PTPRT: variants seen among roughly 807,000 people sequenced by gnomAD.
PTPRT encodes protein tyrosine phosphatase receptor type T.
In PTPRT, 56 loss-of-function variants were observed where a neutral mutation model predicts 176.8. That is an observed-to-expected ratio of 0.32 (90% CI 0.26 to 0.40). The LOEUF (loss-of-function observed/expected upper bound fraction) is 0.40, where lower values mean the gene tolerates loss of function less well. Ranked by LOEUF, PTPRT falls within the 10% of genes least tolerant of loss-of-function variation. The pLI is 1.00. For synonymous variants in PTPRT, 783 were observed against 739.0 expected (o/e 1.06, Z -0.96); for missense variants, 1,540 against 1,908.2 (o/e 0.81, Z 3.60).
At chr20:42,049,735 ATC>A in the PTPRT span, among the ~76,000 whole-genome samples, 1 of 152,298 alleles carries the variant, frequency 6.6e-6, no homozygotes, top group South Asian at 2.1e-4. Context: ...AAGCACCCCC[ATC>A]TCATTGAGTT....
intron 7 of PTPRT, among the ~76,000 whole-genome samples, chr20:42,622,536 G>A (rs183312675): frequency 1.6e-4 from 25 of 152,132 alleles, no homozygotes; most frequent in South Asian, 4.2e-4. Flanking sequence ...CACCGTGCCC[G>A]GCCAGACTTA....
At position 42,672,107 on chromosome 20, in the gene PTPRT, T is replaced by C. The variant is rs1398609826; in HGVS notation, c.1153+5759A>G. 2.0e-5 allele frequency among the ~76,000 whole-genome samples: 3 copies of C among 152,238 alleles called. No individual in the cohort carries two copies. The East Asian group carries it at 5.8e-4, about 29-fold the overall frequency. The stretch of plus-strand genomic sequence containing the variant: ...AATAATGAGTGTCAACTTGATTGGA[T>C]TGAAGGATGCAAAGCATTGTTCCTG... On this transcript the variant is annotated intron_variant, in intron 7 of 30. Coordinates refer to ENST00000373187, the MANE Select transcript of PTPRT (RefSeq NM_007050.6).
At chr20:42,378,135 C>T (rs917100963) in intron 9 of PTPRT, among the ~76,000 whole-genome samples, 5 of 152,192 alleles carry the variant, frequency 3.3e-5, no homozygotes, top group African/African-American at 9.7e-5. Context: ...TTGAAAACAG[C>T]ACAGCAACCC....
chr20:42,536,996 C>G (rs185595270), intron 7 of PTPRT, among the ~76,000 whole-genome samples: 1 of 152,022 alleles, frequency 6.6e-6, no homozygotes, highest in East Asian at 1.9e-4. Flanking sequence ...TGATATATCT[C>G]TTGTGTGAAA....
chr20:42,609,060 A>G (rs918100517), intron 7 of PTPRT, among the ~76,000 whole-genome samples: 1 of 152,006 alleles, frequency 6.6e-6, no homozygotes, highest in African/African-American at 2.4e-5. Context: ...ATAATACAGA[A>G]CACTCCAACA....
chr20:42,473,856 T>C (rs1004327650), intron 7 of PTPRT, among the ~76,000 whole-genome samples: 1 of 152,124 alleles, frequency 6.6e-6, no homozygotes, highest in Non-Finnish European at 1.5e-5. Flanking sequence ...CAGACTTTCT[T>C]ATCTGGGAGG....
At chr20:43,008,100 T>C (rs1368411596) in intron 1 of PTPRT, among the ~76,000 whole-genome samples, 5 of 152,208 alleles carry the variant, frequency 3.3e-5, no homozygotes, top group Non-Finnish European at 5.9e-5. Flanking sequence ...CCATACAGTC[T>C]TCAATGGACT....
At chr20:42,375,376 T>C (rs1343172674) in intron 9 of PTPRT, among the ~76,000 whole-genome samples, 5 of 152,142 alleles carry the variant, frequency 3.3e-5, no homozygotes, top group African/African-American at 1.2e-4. Flanking sequence ...CCCATTGTGG[T>C]GGCTCTAGGA....
At position 42,102,218 on chromosome 20, in the gene PTPRT, C is replaced by T. The variant is rs200227405; in HGVS notation, c.3620G>A (p.Arg1207Gln). The T allele has an allele frequency of 1.6e-5, 26 of 1,614,038 alleles. No individual in the cohort carries two copies. The highest frequency in any genetic ancestry group is 2.1e-5 in the Non-Finnish European group (25 of 1,180,024). Residue 1207 changes from arginine (R) to glutamine (Q), a missense_variant, in exon 26 of 31, where the codon CGA becomes CAA. By Grantham distance (43) the Arg-to-Gln change is conservative. Transcript: ENST00000373187. ...GTCCAGAGGCAGCACGTCCATACTT[C>T]GATTCTTATCATGGTTCCGGGGCAG... ...GLLPRNHDKN[R>Q]SMDVLPLDRC... is the part of the protein sequence containing the mutation.
At chr20:42,585,548 AGTTAACACT>A (rs1436610722) in intron 7 of PTPRT, among the ~76,000 whole-genome samples, 1 of 152,176 alleles carries the variant, frequency 6.6e-6, no homozygotes, top group Non-Finnish European at 1.5e-5. Flanking sequence ...CAGTCATAAT[AGTTAACACT>A]GTATAGCACT....
chr20:42,483,324 C>T (rs992592714), intron 7 of PTPRT, among the ~76,000 whole-genome samples: 8 of 152,050 alleles, frequency 5.3e-5, no homozygotes, highest in African/African-American at 1.2e-4. Context: ...CCACCACGCT[C>T]GACTAATTTT....
At chr20:42,434,159 G>A (rs756341976) in intron 9 of PTPRT, among the ~76,000 whole-genome samples, 16 of 152,018 alleles carry the variant, frequency 1.1e-4, no homozygotes, top group Non-Finnish European at 2.1e-4. Context: ...AAGATGGCTA[G>A]TGTGTTATTT....
chr20:43,027,869 C>G (rs1985980571), intron 1 of PTPRT, among the ~76,000 whole-genome samples: 1 of 152,148 alleles, frequency 6.6e-6, no homozygotes, highest in Admixed American at 6.5e-5. Context: ...GACAAGATAC[C>G]TTCTGGAATA....
At chr20:42,420,886 C>T (rs567898857) in intron 9 of PTPRT, among the ~76,000 whole-genome samples, 1 of 152,240 alleles carries the variant, frequency 6.6e-6, no homozygotes, top group African/African-American at 2.4e-5. Context: ...ATGGAAGAAG[C>T]CCCTGTCAGT....
intron 11 of PTPRT, among the ~76,000 whole-genome samples, chr20:42,327,536 T>G (rs1206616042): frequency 6.6e-6 from 1 of 151,886 alleles, no homozygotes; most frequent in Non-Finnish European, 1.5e-5. Context: ...AACTAAAGGT[T>G]TTGAAGCGTC....
chr20:42,838,470 A>G (rs1400472728), intron 2 of PTPRT, among the ~76,000 whole-genome samples: 1 of 152,164 alleles, frequency 6.6e-6, no homozygotes, highest in Non-Finnish European at 1.5e-5. Context: ...GGGAAGCTGG[A>G]GATTTCTTTC....
intron 9 of PTPRT, among the ~76,000 whole-genome samples, chr20:42,427,856 G>C (rs56229045): frequency 6.6e-6 from 1 of 152,102 alleles, no homozygotes; most frequent in African/African-American, 2.4e-5. Context: ...CCCTTAAGAA[G>C]GTTCTTTGTA....
intron 9 of PTPRT, among the ~76,000 whole-genome samples, chr20:42,409,738 T>C (rs993244820): frequency 3.9e-5 from 6 of 152,250 alleles, no homozygotes; most frequent in African/African-American, 1.4e-4. Context: ...GAGTTTGGCA[T>C]GGCCATGGGC....
intron 9 of PTPRT, among the ~76,000 whole-genome samples, chr20:42,422,477 C>G (rs1012697049): frequency 2.0e-5 from 3 of 152,116 alleles, no homozygotes; most frequent in Admixed American, 2.0e-4. Context: ...TAGAGAAATG[C>G]AAATCAAAAC....
Sources: allele counts gnomAD v4.1 joint callset (sites outside exome capture counted in the v4.1 genomes callset), GRCh38; gene constraint gnomAD v4.1.1; transcripts MANE v1.5; gene names NCBI Gene and HGNC (gene_info 2026-07-23, HGNC 2026-07-21).